Variants in ASTN2 observed in about 807,000 individuals in gnomAD.
The protein encoded by ASTN2 is astrotactin 2.
In ASTN2, 54 loss-of-function variants were observed where a neutral mutation model predicts 139.8. The observed-to-expected ratio is 0.39, with a 90% CI of 0.31 to 0.48. ASTN2 has a LOEUF of 0.48. Among genes scored for constraint, ASTN2 ranks in the 20% least tolerant of loss-of-function variants. The pLI is 0.95. For synonymous variants in ASTN2, 756 were observed against 719.5 expected, an observed-to-expected ratio of 1.05 and a Z score of -0.81; for missense variants, 1,565 against 1,725.1, an observed-to-expected ratio of 0.91 and a Z score of 1.64.
intron 16 of ASTN2, among the ~76,000 whole-genome samples, chr9:116,680,811 A>C (rs1859809374): frequency 6.6e-6 from 1 of 152,248 alleles, no homozygotes; most frequent in Non-Finnish European, 1.5e-5. Context: ...AAGGCCTTTG[A>C]CAAAATTCAA....
chr9:116,495,176 T>C (rs1588113328), intron 19 of ASTN2, among the ~76,000 whole-genome samples: 1 of 152,174 alleles, frequency 6.6e-6, no homozygotes, highest in African/African-American at 2.4e-5. Flanking sequence ...AGAGTTTCTG[T>C]GTGCCAGGCA....
At chr9:116,796,726 T>C (rs1410759543) in intron 13 of ASTN2, among the ~76,000 whole-genome samples, 3 of 152,294 alleles carry the variant, frequency 2.0e-5, no homozygotes, top group African/African-American at 7.2e-5. Flanking sequence ...GCAAGATAAA[T>C]AAGTTCTGGA....
intron 3 of ASTN2, among the ~76,000 whole-genome samples, chr9:117,157,176 G>A (rs925908869): frequency 2.6e-5 from 4 of 152,010 alleles, no homozygotes; most frequent in Non-Finnish European, 5.9e-5. Context: ...GACATAGACA[G>A]GAGGGAAGCC....
intron 11 of ASTN2, among the ~76,000 whole-genome samples, chr9:116,835,248 T>C (rs989174610): frequency 2.0e-5 from 3 of 152,156 alleles, no homozygotes; most frequent in Non-Finnish European, 4.4e-5. Context: ...TCTCATCAGA[T>C]GGGTTTATTT....
At chr9:116,917,971 G>T (rs773825112) in intron 10 of ASTN2, among the ~76,000 whole-genome samples, 1 of 152,084 alleles carries the variant, frequency 6.6e-6, no homozygotes, top group African/African-American at 2.4e-5. Flanking sequence ...AATCATGGGG[G>T]CTGGTCTTTC....
chr9:116,927,444 T>C (rs1023291035), intron 10 of ASTN2, among the ~76,000 whole-genome samples: 1 of 152,246 alleles, frequency 6.6e-6, no homozygotes, highest in Non-Finnish European at 1.5e-5. Context: ...TTTGCTTTCC[T>C]GGCTTTTGCT....
chr9:117,006,624 T>C (rs1837360557), intron 7 of ASTN2, among the ~76,000 whole-genome samples: 1 of 152,148 alleles, frequency 6.6e-6, no homozygotes, highest in African/African-American at 2.4e-5. Flanking sequence ...CCTATTCAAA[T>C]GCAGGTCATA....
At chr9:116,925,183 C>T (rs1024858227) in intron 10 of ASTN2, among the ~76,000 whole-genome samples, 2 of 152,108 alleles carry the variant, frequency 1.3e-5, no homozygotes, top group East Asian at 1.9e-4. Flanking sequence ...TATTTTAGTA[C>T]ACTCTGCTCA....
At chr9:117,051,794 C>T (rs188288283) in intron 5 of ASTN2, among the ~76,000 whole-genome samples, 17 of 152,240 alleles carry the variant, frequency 1.1e-4, no homozygotes, top group Middle Eastern at 3.4e-3. Flanking sequence ...AGGACAGCCA[C>T]GTTCACAGTC....
Position 116,425,935 on chromosome 9 carries a change from G to A in ASTN2, c.3936C>T (p.Ser1312=). Reference sequence around the variant, plus strand: ...ACGTGATTTTGGTGTCCTTGAGGATGCTATACCACACCATGCCTGCAGGCC... The same window carrying A: ...ACGTGATTTTGGTGTCCTTGAGGATACTATACCACACCATGCCTGCAGGCC... The part of the protein sequence containing the change: ...EVRPAGMVWY[S]ILKDTKITCE... The change falls in exon 23 of 23, where the codon AGC becomes AGT. Residue 1312 remains serine, a synonymous_variant. Coordinates refer to ENST00000313400, the MANE Select transcript of ASTN2 (RefSeq NM_001365068.1). 6.2e-7 allele frequency: 1 copy of A among 1,614,152 alleles called. No individual in the cohort carries two copies. Among genetic ancestry groups the A allele is most frequent in the African/African-American group, 1.3e-5 (1 of 75,040 alleles).
At chr9:117,060,537 A>AAGGAAG (rs1564406865) in intron 5 of ASTN2, among the ~76,000 whole-genome samples, 2 of 107,918 alleles carry the variant, frequency 1.9e-5, no homozygotes, top group African/African-American at 4.4e-5. Flanking sequence ...AAGGAAGGAA[A>AAGGAAG]GAAAGAAAGA....
chr9:117,114,152 T>TA (rs945604960), intron 4 of ASTN2, among the ~76,000 whole-genome samples: 4 of 148,450 alleles, frequency 2.7e-5, no homozygotes, highest in African/African-American at 1.0e-4. Context: ...AAACTCTTTT[T>TA]AATGAACATT....
At position 117,411,071 on chromosome 9, in the gene ASTN2, G is replaced by A. The variant is rs117066386; in HGVS notation, c.442+3426C>T. 2.7e-4 allele frequency among the ~76,000 whole-genome samples: 41 copies of A among 152,246 alleles called. No individual in the cohort carries two copies. In the East Asian group the frequency reaches 7.7e-3, roughly 29 times the overall value. On this transcript the variant is annotated intron_variant, in intron 1 of 22. Transcript: ENST00000313400. ...AAGAATGTAGGTGTCTGGCAGACCA[G>A]GATTCCAGTTCCAGGTCTGCCATTG...
intron 10 of ASTN2, among the ~76,000 whole-genome samples, chr9:116,865,443 A>G (rs1228626250): frequency 6.7e-6 from 1 of 149,280 alleles, no homozygotes; most frequent in Non-Finnish European, 1.5e-5. Flanking sequence ...AAAAAAAAAA[A>G]AAAAAAAAAA....
chr9:116,882,736 A>C, intron 10 of ASTN2, among the ~76,000 whole-genome samples: 1 of 152,044 alleles, frequency 6.6e-6, no homozygotes, highest in Non-Finnish European at 1.5e-5. Context: ...CCAAGGCAGG[A>C]GGATTGCTTA....
intron 4 of ASTN2, among the ~76,000 whole-genome samples, chr9:117,101,043 T>A (rs761534304): frequency 6.6e-6 from 1 of 152,042 alleles, no homozygotes; most frequent in Non-Finnish European, 1.5e-5. Flanking sequence ...GGGAAAAGAG[T>A]ATGCTGCATG....
chr9:116,476,576 T>G (rs1045831934), intron 20 of ASTN2, among the ~76,000 whole-genome samples: 1 of 152,150 alleles, frequency 6.6e-6, no homozygotes, highest in African/African-American at 2.4e-5. Flanking sequence ...ATACTTTGGT[T>G]TGGTTAGTTC....
At chr9:116,590,200 C>G (rs1275016159) in intron 19 of ASTN2, among the ~76,000 whole-genome samples, 3 of 152,236 alleles carry the variant, frequency 2.0e-5, no homozygotes, top group South Asian at 2.1e-4. Flanking sequence ...TGTGGCCACA[C>G]AGTTGCAGCT....
intron 16 of ASTN2, among the ~76,000 whole-genome samples, chr9:116,723,989 A>G (rs369044842): frequency 6.6e-6 from 1 of 152,136 alleles, no homozygotes; most frequent in African/African-American, 2.4e-5. Flanking sequence ...TACTTGTAAC[A>G]GATTCCATGA....
Sources: allele counts gnomAD v4.1 joint callset (sites outside exome capture counted in the v4.1 genomes callset), GRCh38; gene constraint gnomAD v4.1.1; transcripts MANE v1.5; gene names NCBI Gene and HGNC (gene_info 2026-07-23, HGNC 2026-07-21).